The following PRMT8 variants were observed in gnomAD, a reference collection of about 807,000 sequenced individuals.
PRMT8 encodes the protein protein arginine N-methyltransferase 8.
PRMT8 carries 7 observed loss-of-function variants against 47.1 expected under a neutral mutation model. The observed-to-expected ratio is 0.15, with a 90% confidence interval of 0.08 to 0.28. The LOEUF is 0.28. Ranked by LOEUF, PRMT8 falls within the 10% of genes least tolerant of loss-of-function variation. The pLI is 1.00. For missense variants in PRMT8, 237 were observed against 505.4 expected (o/e 0.47, Z 5.09); for synonymous variants, 188 against 186.5 (o/e 1.01, Z -0.07).
intron 1 of PRMT8, among the ~76,000 whole-genome samples, chr12:3,407,491 A>G (rs1864384542): frequency 6.6e-6 from 1 of 152,154 alleles, no homozygotes; most frequent in South Asian, 2.1e-4. Flanking sequence ...AACTCTGTTA[A>G]TGGTGATTCC....
Position 3,538,027 on chromosome 12 carries a change from C to T in PRMT8, c.76-2579C>T, listed in dbSNP as rs1409372339. ...TTTAATTACGACCTCTTAGCCTGGC[C>T]ATAATTTCCTTTCAACTGAATCTCT... is the stretch of plus-strand genomic sequence containing the variant. On this transcript the variant is annotated intron_variant, in intron 1 of 9. Coordinates refer to ENST00000382622, the MANE Select transcript of PRMT8 (RefSeq NM_019854.5). This position sits in a 1 kb window ranked among gnomAD's most constrained non-coding sequence, Gnocchi z 4.6. 2.6e-5 allele frequency among the ~76,000 whole-genome samples: 4 copies of T among 152,116 alleles called. No homozygotes were observed. Among genetic ancestry groups the T allele is most frequent in the African/African-American group, 9.7e-5 (4 of 41,408 alleles).
At chr12:3,518,270 A>G (rs1865826947) in intron 1 of PRMT8, among the ~76,000 whole-genome samples, 2 of 152,336 alleles carry the variant, frequency 1.3e-5, no homozygotes, top group Admixed American at 1.3e-4. Flanking sequence ...TGAGAAGGAC[A>G]TTAAGAATTT....
chr12:3,488,454 C>T (rs1865342508), upstream of PRMT8, among the ~76,000 whole-genome samples: 1 of 152,170 alleles, frequency 6.6e-6, no homozygotes, highest in Non-Finnish European at 1.5e-5. Flanking sequence ...CCATTTGACT[C>T]ACACACTAGT....
intron 1 of PRMT8, among the ~76,000 whole-genome samples, chr12:3,525,985 G>A (rs1017966367): frequency 6.6e-6 from 1 of 152,020 alleles, no homozygotes; most frequent in African/African-American, 2.4e-5. Flanking sequence ...AACTCTTTTC[G>A]TCTTGCAAAA....
chr12:3,591,848 G>A lies in PRMT8; in HGVS notation c.980-383G>A, dbSNP rs551565607. ...AAATCTCTTCCCCATACTGTCTGAA[G>A]ATCTTCATTCTGTTGAACTAATTAA... On this transcript the variant is annotated intron_variant, in intron 8 of 9. Transcript: ENST00000382622. 1.7e-4 allele frequency among the ~76,000 whole-genome samples: 26 copies of A among 152,316 alleles called. No homozygotes were observed. In the South Asian group the frequency reaches 2.7e-3, roughly 16 times the overall value.
chr12:3,425,536 G>T (rs893728389), intron 1 of PRMT8, among the ~76,000 whole-genome samples: 6 of 152,238 alleles, frequency 3.9e-5, no homozygotes, highest in African/African-American at 1.4e-4. Flanking sequence ...ACATGAATTT[G>T]TCTTTTAACT....
intron 7 of PRMT8, among the ~76,000 whole-genome samples, chr12:3,578,283 C>T (rs1866986097): frequency 6.6e-6 from 1 of 152,036 alleles, no homozygotes; most frequent in African/African-American, 2.4e-5. Flanking sequence ...GGTTGAAGTG[C>T]AGTGGTGTGA....
intron 1 of PRMT8, among the ~76,000 whole-genome samples, chr12:3,441,122 T>G (rs1864797433): frequency 6.6e-6 from 1 of 152,216 alleles, no homozygotes; most frequent in Admixed American, 6.5e-5. Context: ...AACTCCAGCA[T>G]GTAAAAAATG....
chr12:3,408,194 TCCTC>T (rs561398083), intron 1 of PRMT8, among the ~76,000 whole-genome samples: 2 of 149,918 alleles, frequency 1.3e-5, no homozygotes, highest in Non-Finnish European at 3.0e-5. Flanking sequence ...CTTCCTCCCT[TCCTC>T]CCTCCCTCCC....
intron 8 of PRMT8, among the ~76,000 whole-genome samples, chr12:3,590,905 G>A (rs1349725009): frequency 6.6e-6 from 1 of 152,178 alleles, no homozygotes. Context: ...CTGCCCTCAT[G>A]GAGCTTGCAG....
chr12:3,440,880 A>T (rs1864792835), intron 1 of PRMT8, among the ~76,000 whole-genome samples: 1 of 152,160 alleles, frequency 6.6e-6, no homozygotes, highest in African/African-American at 2.4e-5. Flanking sequence ...AACAATGACG[A>T]TCTAATTGGA....
At chr12:3,417,520 G>A (rs1249381643) in intron 1 of PRMT8, among the ~76,000 whole-genome samples, 1 of 152,242 alleles carries the variant, frequency 6.6e-6, no homozygotes, top group Non-Finnish European at 1.5e-5. Flanking sequence ...AGCATCTCAT[G>A]TTGGTGATAT....
rs559620945 is a variant in PRMT8, at chr12:3,533,378, C to T, written c.76-7228C>T. Among the ~76,000 whole-genome samples the T allele has an allele frequency of 6.6e-4, 100 of 152,340 alleles. No individual in the cohort carries two copies. The Middle Eastern group carries it at 0.01, about 16-fold the overall frequency. On this transcript the variant is annotated intron_variant, in intron 1 of 9. Transcript: ENST00000382622. ...CTTGTCCAACCTGCAGCCTGCACAC[C>T]GCCCAGGATGGCTTTGAATGTGGCC...
In PRMT8 at chr12:3,576,370, A is replaced by C. The variant is rs1002151527; in HGVS notation, c.713-501A>C. The stretch of plus-strand genomic sequence containing the variant: ...GTAGTTGATTTCACGTTAAAAGCCC[A>C]TGATTCTCTGTGCTGCATTAAAGGT... On this transcript the variant is annotated intron_variant, in intron 6 of 9. Transcript: ENST00000382622. This position sits in a 1 kb window ranked among gnomAD's most constrained non-coding sequence, Gnocchi z 4.0. 1.3e-5 allele frequency among the ~76,000 whole-genome samples: 2 copies of C among 152,240 alleles called. No homozygotes were observed. The highest frequency in any genetic ancestry group is 4.8e-5 in the African/African-American group (2 of 41,468).
intron 1 of PRMT8, among the ~76,000 whole-genome samples, chr12:3,424,602 C>T (rs1342756157): frequency 6.6e-6 from 1 of 152,090 alleles, no homozygotes; most frequent in Non-Finnish European, 1.5e-5. Context: ...ATTTACGAGT[C>T]CCTACCAGTC....
At chr12:3,401,535 T>G (rs1244033328) in intron 1 of PRMT8, among the ~76,000 whole-genome samples, 1 of 152,174 alleles carries the variant, frequency 6.6e-6, no homozygotes, top group African/African-American at 2.4e-5. Flanking sequence ...TATCTCTATA[T>G]TTCTTTGATA....
chr12:3,460,237 G>A (rs1039489600), intron 1 of PRMT8, among the ~76,000 whole-genome samples: 5 of 152,244 alleles, frequency 3.3e-5, no homozygotes, highest in Admixed American at 2.0e-4. Context: ...ATTACTTCTC[G>A]GACCACAGGC....
At chr12:3,513,781 G>C (rs1865747301) in intron 1 of PRMT8, among the ~76,000 whole-genome samples, 1 of 152,196 alleles carries the variant, frequency 6.6e-6, no homozygotes, top group African/African-American at 2.4e-5. Context: ...GGTATAGAGA[G>C]CATCATAAGT....
Position 3,382,396 on chromosome 12 carries a change from C to T in PRMT8, c.48+954C>T, listed in dbSNP as rs572676766. On this transcript the variant is annotated intron_variant, in intron 1 of 9. Transcript: ENST00000452611. ...TTCTCTGCGTCCTCACCTGCATTTG[C>T]TGGCCCTACCTTTTATTTTAGCCAT... Among the ~76,000 whole-genome samples, 3 of 152,318 alleles carry T rather than the reference C, an allele frequency of 2.0e-5. No homozygotes were observed. In the East Asian group the frequency reaches 5.8e-4, roughly 29 times the overall value.
Sources: gnomAD v4.1 joint callset for allele counts (sites outside exome capture counted in the v4.1 genomes callset) on GRCh38, gnomAD v4.1.1 for gene constraint, Gnocchi (gnomAD v3.1) non-coding constraint, MANE v1.5 for transcripts, NCBI Gene and HGNC (gene_info 2026-07-23, HGNC 2026-07-21) for gene names.